Variants in TMEM53 observed in about 807,000 individuals in gnomAD.
TMEM53 encodes the protein novel DUF829 domain-containing protein.
TMEM53 carries 14 observed loss-of-function variants against 21.4 expected under a neutral mutation model. The ratio of observed to expected loss-of-function variants is 0.65; its 90% CI spans 0.43 to 1.02. The LOEUF (loss-of-function observed/expected upper bound fraction) is 1.02, where lower values mean the gene tolerates loss of function less well. Among genes scored for constraint, TMEM53 ranks in the 50% least tolerant of loss-of-function variants. The pLI, the probability that TMEM53 is intolerant of heterozygous loss-of-function variation, is 0.00. For missense variants in TMEM53, 323 were observed against 383.6 expected, an observed-to-expected ratio of 0.84 and a Z score of 1.32; for synonymous variants, 148 against 157.4, an observed-to-expected ratio of 0.94 and a Z score of 0.45.
intron 1 of TMEM53, among the ~76,000 whole-genome samples, chr1:44,663,128 C>A (rs1027288949): frequency 6.6e-6 from 1 of 152,248 alleles, no homozygotes; most frequent in Non-Finnish European, 1.5e-5. Flanking sequence ...TCACAGCTCA[C>A]TGCAGCCTCA....
At chr1:44,674,138 G>A (rs1645053674) in intron 1 of TMEM53, 193 bp downstream of exon 1, 12 of 985,276 alleles carry the variant, frequency 1.2e-5, no homozygotes, top group African/African-American at 1.7e-5. Context: ...TCGCCAGGGA[G>A]GAACACTCTG....
At chr1:44,668,890 G>A (rs1036457689) in intron 1 of TMEM53, among the ~76,000 whole-genome samples, 1 of 152,212 alleles carries the variant, frequency 6.6e-6, no homozygotes, top group Non-Finnish European at 1.5e-5. Context: ...GCAGAGCAGA[G>A]TAGCATAGTA....
At chr1:44,660,558 T>A (rs1644891946) in intron 1 of TMEM53, among the ~76,000 whole-genome samples, 2 of 152,120 alleles carry the variant, frequency 1.3e-5, no homozygotes, top group South Asian at 4.1e-4. Context: ...GTGAGGAAAG[T>A]AAATACCTTG....
At chr1:44,660,830 G>A (rs571571678) in intron 1 of TMEM53, among the ~76,000 whole-genome samples, 15 of 151,728 alleles carry the variant, frequency 9.9e-5, no homozygotes, top group Middle Eastern at 3.4e-3. Context: ...AAAATTAGCC[G>A]TGCGTGGTGG....
intron 2 of TMEM53, among the ~76,000 whole-genome samples, chr1:44,659,451 G>T (rs1303491513): frequency 6.6e-6 from 1 of 152,228 alleles, no homozygotes; most frequent in East Asian, 1.9e-4. Flanking sequence ...GCCCTCTGCA[G>T]TTACCACAGT....
intron 1 of TMEM53, chr1:44,673,967 A>C: frequency 1.0e-6 from 1 of 985,418 alleles, no homozygotes; most frequent in Non-Finnish European, 1.2e-6. Context: ...GATAGGCTAG[A>C]TGTGGGAAGC....
At chr1:44,659,961 C>T (rs902489121) in intron 2 of TMEM53, among the ~76,000 whole-genome samples, 4 of 150,378 alleles carry the variant, frequency 2.7e-5, no homozygotes, top group African/African-American at 7.4e-5. Flanking sequence ...TGGGCTCAAG[C>T]GATTCTCCTG....
At chr1:44,666,418 C>T (rs892085242) in intron 1 of TMEM53, among the ~76,000 whole-genome samples, 2 of 152,182 alleles carry the variant, frequency 1.3e-5, no homozygotes, top group Non-Finnish European at 2.9e-5. Context: ...CACATGAAAA[C>T]TTGCCCATGA....
chr1:44,671,481 G>C (rs1199061622), intron 1 of TMEM53, among the ~76,000 whole-genome samples: 1 of 152,226 alleles, frequency 6.6e-6, no homozygotes, highest in Non-Finnish European at 1.5e-5. Context: ...GTAATTTCAG[G>C]CCAGGTGCAG....
chr1:44,665,740 T>C (rs1420091101), intron 1 of TMEM53, among the ~76,000 whole-genome samples: 1 of 151,576 alleles, frequency 6.6e-6, no homozygotes, highest in Non-Finnish European at 1.5e-5. Flanking sequence ...AAGCAGATCA[T>C]AGACATAAAT....
At chr1:44,665,338 C>CA (rs1644939051) in intron 1 of TMEM53, among the ~76,000 whole-genome samples, 1 of 152,134 alleles carries the variant, frequency 6.6e-6, no homozygotes, top group South Asian at 2.1e-4. Context: ...TCAAAAGTCT[C>CA]AAAAACATGC....
intron 1 of TMEM53, among the ~76,000 whole-genome samples, chr1:44,667,290 T>C (rs1048111013): frequency 8.0e-5 from 12 of 150,424 alleles, no homozygotes; most frequent in Admixed American, 2.0e-4. Flanking sequence ...ACACACATAC[T>C]ACACAAACGC....
rs771216659 is a variant in TMEM53, at chr1:44,654,795, AGAAGTGG to A, written c.591_597del (p.His198MetfsTer23). 2.5e-6 allele frequency: 4 copies of A among 1,613,918 alleles called. No individual in the cohort carries two copies. Among genetic ancestry groups the A allele is most frequent in the Non-Finnish European group, 8.5e-7 (1 of 1,180,036 alleles). ...GAGCCCGCGTCCTGTAGCCTGTCAT[AGAAGTGG>A]GTGTGGAAGAGGGCTGTGATGGGAG... On this transcript the variant is annotated frameshift_variant, in exon 3 of 3. Transcript: ENST00000372237. LOFTEE classifies it high-confidence loss of function. The surrounding 1 kb of genome is among the most constrained non-coding windows in gnomAD (Gnocchi z 7.0).
At chr1:44,665,388 G>A (rs1644939674) in intron 1 of TMEM53, among the ~76,000 whole-genome samples, 1 of 152,144 alleles carries the variant, frequency 6.6e-6, no homozygotes, top group Admixed American at 6.5e-5. Context: ...TATAATCCCA[G>A]TATTTTGGAA....
chr1:44,666,022 C>T (rs956472463), intron 1 of TMEM53, among the ~76,000 whole-genome samples: 1 of 152,106 alleles, frequency 6.6e-6, no homozygotes, highest in Non-Finnish European at 1.5e-5. Context: ...ACTCCTAAAA[C>T]TCAACAGCAA....
chr1:44,669,724 G>A (rs892041712), intron 1 of TMEM53, among the ~76,000 whole-genome samples: 1 of 151,978 alleles, frequency 6.6e-6, no homozygotes, highest in Non-Finnish European at 1.5e-5. Flanking sequence ...CCTGCAAAGA[G>A]GCCTGGATCT....
chr1:44,660,564 C>T (rs1342398689), intron 1 of TMEM53, among the ~76,000 whole-genome samples: 1 of 152,200 alleles, frequency 6.6e-6, no homozygotes, highest in Non-Finnish European at 1.5e-5. Flanking sequence ...AAAGTAAATA[C>T]CTTGTCCACG....
chr1:44,656,140 G>C (rs76447774), intron 2 of TMEM53, among the ~76,000 whole-genome samples: 2,113 of 152,132 alleles, frequency 0.014, 51 homozygotes, highest in African/African-American at 0.049. Context: ...AGACAGGTCC[G>C]GGTTCAACTC....
At chr1:44,661,915 GC>G (rs1472608036) in intron 1 of TMEM53, among the ~76,000 whole-genome samples, 1 of 152,090 alleles carries the variant, frequency 6.6e-6, no homozygotes, top group Non-Finnish European at 1.5e-5. Context: ...GTGAATACCC[GC>G]CCCCTCAGGG....
Sources: allele counts gnomAD v4.1 joint callset (sites outside exome capture counted in the v4.1 genomes callset), GRCh38; gene constraint gnomAD v4.1.1; non-coding constraint Gnocchi (gnomAD v3.1); transcripts MANE v1.5; gene names NCBI Gene and HGNC (gene_info 2026-07-23, HGNC 2026-07-21).